The following ADGRL1 variants were observed in gnomAD, a reference collection of about 807,000 sequenced individuals.
The protein encoded by ADGRL1 is adhesion G protein-coupled receptor L1, also known as CIRL-1.
A neutral mutation model predicts 148.9 loss-of-function variants in ADGRL1; 31 were observed. The observed-to-expected ratio is 0.21, with a 90% confidence interval of 0.16 to 0.28. ADGRL1 has a LOEUF of 0.28. Among genes scored for constraint, ADGRL1 ranks in the 10% least tolerant of loss-of-function variants. The pLI, the probability that ADGRL1 is intolerant of heterozygous loss-of-function variation, is 1.00. For synonymous variants in ADGRL1, 937 were observed against 900.3 expected, an observed-to-expected ratio of 1.04 and a Z score of -0.73; for missense variants, 1,521 against 2,058.8, an observed-to-expected ratio of 0.74 and a Z score of 5.05.
intron 3 of ADGRL1, among the ~76,000 whole-genome samples, chr19:14,173,539 T>C (rs988586962): frequency 3.9e-5 from 6 of 152,218 alleles, no homozygotes; most frequent in African/African-American, 1.4e-4. Flanking sequence ...TGGGGATTAC[T>C]GTACCCAAAA....
Position 14,156,345 on chromosome 19 carries a change from C to T in ADGRL1, c.3034-144G>A, listed in dbSNP as rs528350929. The T allele has an allele frequency of 1.5e-4, 103 of 687,360 alleles. 1 individual carries two copies. Among genetic ancestry groups the T allele is most frequent in the African/African-American group, 1.1e-3 (64 of 56,604 alleles). 42.6% of individuals were successfully genotyped at this position (687,360 alleles called of 1,614,324 possible). The stretch of plus-strand genomic sequence containing the variant: ...ACCCCGTACCTGCCCCTGAGGTGCC[C>T]GCTGTGCAGCGGTGAGCTGATTGGC... On this transcript the variant is annotated intron_variant, in intron 16 of 22. Coordinates refer to ENST00000361434, the MANE Select transcript of ADGRL1 (RefSeq NM_014921.5).
At chr19:14,189,565 G>A (rs1008710039) in intron 1 of ADGRL1, among the ~76,000 whole-genome samples, 10 of 152,090 alleles carry the variant, frequency 6.6e-5, no homozygotes, top group African/African-American at 1.7e-4. Context: ...TCAGCGCCAC[G>A]TTTCCAAGGC....
In ADGRL1 at chr19:14,170,846, G is replaced by C. The variant is rs565415705; in HGVS notation, c.285-55C>G. The C allele has an allele frequency of 9.3e-5, 79 of 847,344 alleles. No individual in the cohort carries two copies. The East Asian group carries it at 1.8e-3, about 19-fold the overall frequency. The allele number at this position is 847,344 out of a possible 1,614,324, so 52.5% of individuals were successfully genotyped here. A position where few individuals can be genotyped will look rare whatever the true frequency, so the allele number is the denominator to read the frequency against. On this transcript the variant is annotated intron_variant, in intron 3 of 22. Coordinates refer to ENST00000361434, the MANE Select transcript of ADGRL1 (RefSeq NM_014921.5). Reference sequence around the variant, plus strand: ...GAAACACATAGACGGGGTGGCGGGGGTGGGGGTGCATGCTCCAGGGTCATG... The same window carrying C: ...GAAACACATAGACGGGGTGGCGGGGCTGGGGGTGCATGCTCCAGGGTCATG...
intron 2 of ADGRL1, among the ~76,000 whole-genome samples, chr19:14,183,102 C>T (rs1355176246): frequency 4.6e-5 from 7 of 151,984 alleles, no homozygotes; most frequent in Admixed American, 3.9e-4. Flanking sequence ...GGCATAGGGC[C>T]GAGCCGGGTA....
chr19:14,197,258 C>G (rs910339583), intron 1 of ADGRL1, among the ~76,000 whole-genome samples: 15 of 152,036 alleles, frequency 9.9e-5, no homozygotes, highest in African/African-American at 3.1e-4. Flanking sequence ...GGTGACAAAA[C>G]AAGACTCCGT....
In ADGRL1 at chr19:14,162,960, T is replaced by A; in HGVS notation, c.841A>T (p.Asn281Tyr). Reference protein sequence around the residue: ...GLWVIYATEGNNGRLVVSQLN... With the variant: ...GLWVIYATEGYNGRLVVSQLN... ...TGGCTCACCACCAGCCGCCCGTTGTTGCCCTCAGTGGCGTAGATGACCCAC... is the reference window on the plus strand; with the variant it reads ...TGGCTCACCACCAGCCGCCCGTTGTAGCCCTCAGTGGCGTAGATGACCCAC... Residue 281 changes from asparagine to tyrosine, a missense_variant, in exon 5 of 23, where the codon AAC (asparagine) becomes TAC (tyrosine). Transcript: ENST00000361434. The surrounding 1 kb of genome is among the most constrained non-coding windows in gnomAD (Gnocchi z 5.4). The A allele has an allele frequency of 6.2e-7, 1 of 1,613,858 alleles. No homozygotes were observed. Among genetic ancestry groups the A allele is most frequent in the Non-Finnish European group, 8.5e-7 (1 of 1,179,960 alleles).
chr19:14,162,654 A>T lies in ADGRL1; in HGVS notation c.1147T>A (p.Phe383Ile). ...AACTCCAGGCTGTAGCGCACCACGAAATAGTTGTTCCAGACGTACAGCTGG... is the reference window on the plus strand; with the variant it reads ...AACTCCAGGCTGTAGCGCACCACGATATAGTTGTTCCAGACGTACAGCTGG... ...DNQLYVWNNY[F>I]VVRYSLEFGP... The change falls in exon 5 of 23, where the codon TTC becomes ATC. Residue 383 changes from phenylalanine (F) to isoleucine (I), a missense_variant. This residue lies in a region of ADGRL1 where 270 missense variants were observed against 320.4 expected (regional missense o/e 0.84). Coordinates refer to ENST00000361434, the MANE Select transcript of ADGRL1 (RefSeq NM_014921.5). This position sits in a 1 kb window ranked among gnomAD's most constrained non-coding sequence, Gnocchi z 5.4. 1 of 1,613,526 alleles carries T rather than the reference A, an allele frequency of 6.2e-7. No homozygotes were observed. Among genetic ancestry groups the T allele is most frequent in the Non-Finnish European group, 8.5e-7 (1 of 1,179,566 alleles).
Position 14,150,556 on chromosome 19 carries a change from G to C in ADGRL1, c.*317C>G, listed in dbSNP as rs1011935479. ...TTCACAGGGTAGAAGGGTGGGAGAG[G>C]GGAGAGTCTGGAAGTGGGCTGCACC... On this transcript the variant is annotated 3_prime_UTR_variant, in exon 23 of 23. Transcript: ENST00000361434. 4 of 353,972 alleles carry C rather than the reference G, an allele frequency of 1.1e-5. No homozygotes were observed. The highest frequency in any genetic ancestry group is 4.3e-5 in the Admixed American group (1 of 23,264). 21.9% of individuals were successfully genotyped at this position (353,972 alleles called of 1,614,324 possible). A position where few individuals can be genotyped will look rare whatever the true frequency, so the allele number is the denominator to read the frequency against.
chr19:14,204,376 G>A (rs1181910752), intron 1 of ADGRL1, among the ~76,000 whole-genome samples: 1 of 152,054 alleles, frequency 6.6e-6, no homozygotes, highest in Non-Finnish European at 1.5e-5. Flanking sequence ...AATGAGGGGT[G>A]TGGACCCTCC....
chr19:14,181,477 G>C (rs1445170996), intron 2 of ADGRL1, among the ~76,000 whole-genome samples: 4 of 152,200 alleles, frequency 2.6e-5, no homozygotes, highest in Non-Finnish European at 5.9e-5. Flanking sequence ...CCAGCACTTT[G>C]GAAGGCCGAG....
chr19:14,156,864 A>AGG, intron 15 of ADGRL1, 61 bp downstream of exon 15: 1 of 1,576,028 alleles, frequency 6.3e-7, no homozygotes, highest in Non-Finnish European at 8.6e-7. Flanking sequence ...TCCTGGTCCA[A>AGG]GGGGTGCCGC....
rs755451926 is a variant in ADGRL1 at position 14,156,930 on chromosome 19, C to G, written c.2961G>C (p.Glu987Asp). ...GCTGGGAGGTGGAAACTCACGCCTT[C>G]TCGGTGCCGTAGCTGCGGTAGTCAA... ...AAIDYRSYGT[E>D]KACWLRVDNY... The change falls in exon 15 of 23, where the codon GAG becomes GAC. Residue 987 changes from glutamate to aspartate, a missense_variant. By Grantham distance (45) the Glu-to-Asp change is conservative. This residue lies in a region of ADGRL1 where 185 missense variants were observed against 251.7 expected (regional missense o/e 0.74). Transcript: ENST00000361434. 10 of 1,609,954 alleles carry G rather than the reference C, an allele frequency of 6.2e-6. No individual in the cohort carries two copies. The highest frequency in any genetic ancestry group is 8.5e-6 in the Non-Finnish European group (10 of 1,179,642).
chr19:14,156,749 A>G lies in ADGRL1; in HGVS notation c.2967-25T>C. On this transcript the variant is annotated intron_variant, in intron 15 of 22. Coordinates refer to ENST00000361434, the MANE Select transcript of ADGRL1 (RefSeq NM_014921.5). ...GCTGTAAAGGAAACAGGGCCGGGGTATAGAGAGAAGCCGAGGAGCCATTCC... is the reference window on the plus strand; with the variant it reads ...GCTGTAAAGGAAACAGGGCCGGGGTGTAGAGAGAAGCCGAGGAGCCATTCC... 3.1e-6 allele frequency: 5 copies of G among 1,599,042 alleles called. No homozygotes were observed. The South Asian group carries it at 4.5e-5, about 14-fold the overall frequency.
intron 11 of ADGRL1, among the ~76,000 whole-genome samples, chr19:14,158,814 G>A (rs1394292460): frequency 6.6e-6 from 1 of 152,234 alleles, no homozygotes; most frequent in Non-Finnish European, 1.5e-5. Context: ...CATTCTCACT[G>A]TGTGACCTTG....
Position 14,155,066 on chromosome 19 carries a change from C to G in ADGRL1, c.3294+293G>C. On this transcript the variant is annotated intron_variant, in intron 18 of 22. Coordinates refer to ENST00000361434, the MANE Select transcript of ADGRL1 (RefSeq NM_014921.5). The surrounding 1 kb of genome is among the most constrained non-coding windows in gnomAD (Gnocchi z 5.0). ...AAAGTCCTCCCTCTCCCAGGCCTGA[C>G]TCGTGGCCCTCATGGTGGTGAGGGT... 4.7e-6 allele frequency: 1 copy of G among 213,720 alleles called. No individual in the cohort carries two copies. Among genetic ancestry groups the G allele is most frequent in the Non-Finnish European group, 9.3e-6 (1 of 107,194 alleles). The allele number at this position is 213,720 out of a possible 1,614,324, so 13.2% of individuals were successfully genotyped here.
At chr19:14,158,126 G>T in intron 12 of ADGRL1, 74 bp from the exon 13 acceptor site, 1 of 1,489,004 alleles carries the variant, frequency 6.7e-7, no homozygotes, top group Non-Finnish European at 9.3e-7. Flanking sequence ...CCCCACACCT[G>T]GCAACAGGGA....
intron 2 of ADGRL1, among the ~76,000 whole-genome samples, chr19:14,182,684 G>A (rs1370482107): frequency 6.6e-6 from 1 of 152,224 alleles, no homozygotes; most frequent in Non-Finnish European, 1.5e-5. Context: ...TGGCTCAGAT[G>A]GGTCTGGGGG....
intron 4 of ADGRL1, 42 bp downstream of exon 4, chr19:14,170,640 G>T (rs1970389035): frequency 8.0e-7 from 1 of 1,243,532 alleles, no homozygotes; most frequent in Non-Finnish European, 1.2e-6. Flanking sequence ...ACTCACTCAT[G>T]CGAGAAGGGC....
At chr19:14,186,176 G>C (rs1048492879) in intron 1 of ADGRL1, among the ~76,000 whole-genome samples, 4 of 151,936 alleles carry the variant, frequency 2.6e-5, no homozygotes, top group Non-Finnish European at 5.9e-5. Flanking sequence ...CTCCCGCCTC[G>C]GCCTCCCTAG....
Sources: allele counts gnomAD v4.1 joint callset (sites outside exome capture counted in the v4.1 genomes callset), GRCh38; gene constraint gnomAD v4.1.1; regional missense constraint gnomAD v4.1.1; non-coding constraint Gnocchi (gnomAD v3.1); transcripts MANE v1.5; gene names NCBI Gene and HGNC (gene_info 2026-07-23, HGNC 2026-07-21).